HS6ST2: variants seen among roughly 807,000 people sequenced by gnomAD.
HS6ST2 encodes the protein heparan sulfate 6-O-sulfotransferase 2.
In HS6ST2, 17 loss-of-function variants were observed where a neutral mutation model predicts 33.0. The ratio of observed to expected loss-of-function variants is 0.52; its 90% CI spans 0.35 to 0.77. The LOEUF is 0.77. Ranked by LOEUF, HS6ST2 falls within the 30% of genes least tolerant of loss-of-function variation. The probability of loss-of-function intolerance (pLI) is 0.01; values close to 1 mark genes in which losing one functional copy is unlikely to be tolerated. For synonymous variants in HS6ST2, 248 were observed against 237.1 expected, an observed-to-expected ratio of 1.05 and a Z score of -0.42; for missense variants, 519 against 551.7, an observed-to-expected ratio of 0.94 and a Z score of 0.59.
intron 2 of HS6ST2, among the ~76,000 whole-genome samples, chrX:132,827,154 C>T (rs2065530127): frequency 9.0e-6 from 1 of 111,518 alleles, no homozygotes. Flanking sequence ...GGCCCTCCAT[C>T]CATTTACAAG....
intron 2 of HS6ST2, among the ~76,000 whole-genome samples, chrX:132,733,672 ATG>A (rs1456515991): frequency 2.7e-5 from 3 of 111,398 alleles, no homozygotes; most frequent in African/African-American, 6.5e-5. Flanking sequence ...TAGAGTCTAA[ATG>A]TTCCATATTA....
At chrX:132,748,760 A>G (rs62599020) in intron 2 of HS6ST2, among the ~76,000 whole-genome samples, 27,232 of 110,219 alleles carry the variant, frequency 0.25, 3,120 homozygotes, top group Non-Finnish European at 0.35. Context: ...GTGCCACCAC[A>G]TGCAGATGAT....
At chrX:132,821,367 C>T (rs904643653) in intron 2 of HS6ST2, among the ~76,000 whole-genome samples, 1 of 109,499 alleles carries the variant, frequency 9.1e-6, no homozygotes, top group African/African-American at 3.3e-5. Context: ...CACCCACCAC[C>T]ACGCCCAGCT....
chrX:132,910,797 G>A (rs1215492284), intron 2 of HS6ST2, among the ~76,000 whole-genome samples: 1 of 111,419 alleles, frequency 9.0e-6, no homozygotes, highest in Non-Finnish European at 1.9e-5. Context: ...TCGTCCATTT[G>A]CCTCGGTAAA....
intron 2 of HS6ST2, among the ~76,000 whole-genome samples, chrX:132,939,121 G>A (rs1208948182): frequency 3.6e-5 from 4 of 111,127 alleles, no homozygotes; most frequent in African/African-American, 1.3e-4. Flanking sequence ...GGAGGGCACT[G>A]AGCCTTTCAT....
At chrX:132,700,913 T>C (rs764689406) in intron 3 of HS6ST2, among the ~76,000 whole-genome samples, 2 of 111,541 alleles carry the variant, frequency 1.8e-5, no homozygotes, top group East Asian at 5.7e-4. Context: ...GTACTATCTG[T>C]CAGCTGGCCC....
chrX:132,686,797 A>G (rs1354931523), intron 3 of HS6ST2, among the ~76,000 whole-genome samples: 3 of 111,995 alleles, frequency 2.7e-5, no homozygotes, highest in Admixed American at 9.5e-5. Flanking sequence ...TTCTGGTGCT[A>G]TACTCATTAT....
At chrX:132,730,478 G>C (rs1389425486) in intron 2 of HS6ST2, among the ~76,000 whole-genome samples, 1 of 112,446 alleles carries the variant, frequency 8.9e-6, no homozygotes, top group African/African-American at 3.2e-5. Flanking sequence ...CCTGGCATCA[G>C]CTTCCCGAGA....
At chrX:132,791,881 G>T (rs1474052913) in intron 2 of HS6ST2, among the ~76,000 whole-genome samples, 1 of 110,704 alleles carries the variant, frequency 9.0e-6, no homozygotes, top group Non-Finnish European at 1.9e-5. Flanking sequence ...TACTTGAGAG[G>T]ATGAAGTGGG....
At chrX:132,856,504 T>C (rs1484694833) in intron 2 of HS6ST2, among the ~76,000 whole-genome samples, 3 of 111,850 alleles carry the variant, frequency 2.7e-5, no homozygotes, top group Non-Finnish European at 5.6e-5. Context: ...TTGCAAACAC[T>C]ATAAAAATCA....
At chrX:132,674,360 T>C (rs2063908088) in intron 3 of HS6ST2, among the ~76,000 whole-genome samples, 1 of 112,117 alleles carries the variant, frequency 8.9e-6, no homozygotes, top group Admixed American at 9.5e-5. Flanking sequence ...TTAGTCTTCT[T>C]ATCTACAAAG....
At chrX:132,736,462 C>T (rs751963690) in intron 2 of HS6ST2, among the ~76,000 whole-genome samples, 1 of 111,663 alleles carries the variant, frequency 9.0e-6, no homozygotes, top group South Asian at 3.8e-4. Flanking sequence ...GATTGCTTAG[C>T]CTATGAATTG....
chrX:132,647,578 T>C (rs751546244), intron 4 of HS6ST2, among the ~76,000 whole-genome samples: 1 of 112,257 alleles, frequency 8.9e-6, no homozygotes, highest in Non-Finnish European at 1.9e-5. Flanking sequence ...GCAGGCATGG[T>C]CTTTGCCCAA....
intron 3 of HS6ST2, among the ~76,000 whole-genome samples, chrX:132,685,138 C>A (rs2064007103): frequency 9.0e-6 from 1 of 111,663 alleles, no homozygotes; most frequent in Admixed American, 9.5e-5. Context: ...CAGAGGCTCC[C>A]TCTTAAGACC....
At chrX:132,793,048 CTTT>C (rs755535720) in intron 2 of HS6ST2, among the ~76,000 whole-genome samples, 2 of 53,238 alleles carry the variant, frequency 3.8e-5, no homozygotes, top group East Asian at 7.0e-4. Context: ...AAATAAACTC[CTTT>C]TTTTTTTTTT....
intron 2 of HS6ST2, among the ~76,000 whole-genome samples, chrX:132,934,032 G>GA (rs1020422996): frequency 9.3e-6 from 1 of 107,546 alleles, no homozygotes; most frequent in Non-Finnish European, 1.9e-5. Context: ...CCACATGAAA[G>GA]AAAAAATCAG....
intron 2 of HS6ST2, among the ~76,000 whole-genome samples, chrX:132,765,944 G>T (rs747857445): frequency 1.8e-5 from 2 of 111,718 alleles, no homozygotes; most frequent in South Asian, 3.8e-4. Flanking sequence ...GCAGAGCCTG[G>T]ATTTCAAGCC....
intron 3 of HS6ST2, among the ~76,000 whole-genome samples, chrX:132,678,642 C>A (rs2063943288): frequency 8.9e-6 from 1 of 112,371 alleles, no homozygotes; most frequent in Non-Finnish European, 1.9e-5. Context: ...GTCTCCTTTG[C>A]AAATATTATC....
chrX:132,650,786 G>A lies in HS6ST2; in HGVS notation c.1067+18327C>T, dbSNP rs946956173. ...CTCTCTCTCTCTTCTTTTTTGTTTT[G>A]TTTTAAGAGATGAGGTCTCACTCTA... is the stretch of plus-strand genomic sequence containing the variant. On this transcript the variant is annotated intron_variant, in intron 4 of 4. Coordinates refer to ENST00000370833, the MANE Select transcript of HS6ST2 (RefSeq NM_001394073.1). Among the ~76,000 whole-genome samples the A allele has an allele frequency of 4.2e-4, 33 of 78,725 alleles. No individual in the cohort carries two copies. In the East Asian group the frequency reaches 7.0e-3, roughly 17 times the overall value. The allele number at this position is 78,725 out of a possible 115,157, so 68.4% of individuals were successfully genotyped here. A position where few individuals can be genotyped will look rare whatever the true frequency, so the allele number is the denominator to read the frequency against.
Sources: gnomAD v4.1 joint callset for allele counts (sites outside exome capture counted in the v4.1 genomes callset) on GRCh38, gnomAD v4.1.1 for gene constraint, MANE v1.5 for transcripts, NCBI Gene and HGNC (gene_info 2026-07-23, HGNC 2026-07-21) for gene names.